Variants in PA2G4 observed in about 807,000 individuals in gnomAD.
PA2G4 encodes proliferation-associated protein 2G4.
In PA2G4, 8 loss-of-function variants were observed where a neutral mutation model predicts 53.3. The observed-to-expected ratio is 0.15, with a 90% CI of 0.09 to 0.27. The LOEUF (loss-of-function observed/expected upper bound fraction) is 0.27. PA2G4 is among the 10% of genes least tolerant of loss of function. PA2G4 has a pLI of 1.00. For synonymous variants in PA2G4, 143 were observed against 169.8 expected (o/e 0.84, Z 1.23); for missense variants, 208 against 486.8 (o/e 0.43, Z 5.39).
Position 56,104,734 on chromosome 12 carries a change from G to A in PA2G4, c.-4G>A. ...AACGAGGCTGCAGTGGTGGTAGTAG[G>A]AAGATGTCGGGCGAGGACGAGCAAC... On this transcript the variant is annotated 5_prime_UTR_variant, in exon 1 of 13. Transcript: ENST00000303305. The A allele has an allele frequency of 2.5e-6, 4 of 1,613,672 alleles. No individual in the cohort carries two copies. The highest frequency in any genetic ancestry group is 1.7e-4 in the Middle Eastern group (1 of 5,850).
chr12:56,106,857 A>G, intron 2 of PA2G4, 133 bp from the exon 3 acceptor site: 2 of 1,281,248 alleles, frequency 1.6e-6, no homozygotes, highest in East Asian at 4.6e-5. Context: ...CAAGTGGGAT[A>G]CAAGCAGTTT....
At position 56,107,524 on chromosome 12, in the gene PA2G4, A is replaced by C. The variant is rs772704689; in HGVS notation, c.397A>C (p.Thr133Pro). ...HTFVVDVAQG[T>P]QVTGRKADVI... ...GATTGCATGTCCTTATCTACAGGGG[A>C]CCCAAGTAACAGGGAGGAAAGCAGA... Residue 133 changes from threonine (T) to proline (P), a missense_variant, in exon 5 of 13, where the codon ACC becomes CCC. Physicochemically the swap from Thr to Pro is conservative, Grantham distance 38 (BLOSUM62 -1). This residue lies in a region of PA2G4 where 143 missense variants were observed against 386.8 expected (regional missense o/e 0.37). Transcript: ENST00000303305. 1 of 1,610,642 alleles carries C rather than the reference A, an allele frequency of 6.2e-7. No individual in the cohort carries two copies. The highest frequency in any genetic ancestry group is 8.5e-7 in the Non-Finnish European group (1 of 1,176,810).
chr12:56,112,178 T>C (rs1217743358), intron 12 of PA2G4, among the ~76,000 whole-genome samples: 1 of 152,170 alleles, frequency 6.6e-6, no homozygotes, highest in Non-Finnish European at 1.5e-5. Flanking sequence ...CATAGCTCAC[T>C]GTATCCTCAA....
chr12:56,112,083 C>CG (rs1320621638), intron 12 of PA2G4, among the ~76,000 whole-genome samples: 3 of 152,126 alleles, frequency 2.0e-5, no homozygotes, highest in Non-Finnish European at 4.4e-5. Flanking sequence ...CATTGCGCTC[C>CG]GGCCTGCGCA....
intron 4 of PA2G4, 89 bp downstream of exon 4, chr12:56,107,345 G>T: frequency 8.7e-7 from 1 of 1,145,258 alleles, no homozygotes; most frequent in Admixed American, 1.7e-5. Context: ...CAATCACCAC[G>T]TAAGTTGAGA....
chr12:56,112,983 C>G lies in PA2G4; in HGVS notation c.*95C>G. The G allele has an allele frequency of 3.8e-6, 3 of 795,182 alleles. No homozygotes were observed. The highest frequency in any genetic ancestry group is 5.8e-6 in the Non-Finnish European group (3 of 515,850). The allele number at this position is 795,182 out of a possible 1,614,324, so 49.3% of individuals were successfully genotyped here. ...AGTGCAGTTCTTCTCCACCTAGGAC[C>G]GCCAGCAGAGCGGGGGGATCTCCCT... On this transcript the variant is annotated 3_prime_UTR_variant, in exon 13 of 13. Coordinates refer to ENST00000303305, the MANE Select transcript of PA2G4 (RefSeq NM_006191.3).
At chr12:56,106,803 T>C in intron 2 of PA2G4, 87 bp downstream of exon 2, 1 of 1,487,578 alleles carries the variant, frequency 6.7e-7, no homozygotes, top group South Asian at 1.3e-5. Context: ...AATGACGCAG[T>C]CCCCACCCCA....
At position 56,110,673 on chromosome 12, in the gene PA2G4, G is replaced by A; in HGVS notation, c.823G>A (p.Ala275Thr). The change falls in exon 9 of 13, where the codon GCC becomes ACC. Residue 275 changes from alanine (A) to threonine (T), a missense_variant. Transcript: ENST00000303305. ...CAGTGAGGTGGAAAGGCGTTTTGATGCCATGCCGTTTACTTTAAGGTACTA... is the reference window on the plus strand; with the variant it reads ...CAGTGAGGTGGAAAGGCGTTTTGATACCATGCCGTTTACTTTAAGGTACTA... Reference protein sequence around the residue: ...FFSEVERRFDAMPFTLRAFED... With the variant: ...FFSEVERRFDTMPFTLRAFED... 1 of 1,614,120 alleles carries A rather than the reference G, an allele frequency of 6.2e-7. No homozygotes were observed.
chr12:56,108,962 C>A (rs1254657964), intron 5 of PA2G4, among the ~76,000 whole-genome samples: 11 of 151,656 alleles, frequency 7.3e-5, no homozygotes, highest in African/African-American at 2.4e-4. Flanking sequence ...CCCGTCTCTT[C>A]TAAAAATACA....
At chr12:56,106,272 A>G in intron 1 of PA2G4, 1 of 216,518 alleles carries the variant, frequency 4.6e-6, no homozygotes, top group Non-Finnish European at 9.1e-6. Flanking sequence ...CTTGTCCCTG[A>G]TGCCTATAAA....
rs1324833720 is a variant in PA2G4, at chr12:56,109,247, A to G, written c.504A>G (p.Glu168=). The G allele has an allele frequency of 1.9e-6, 3 of 1,612,324 alleles. No homozygotes were observed. Among genetic ancestry groups the G allele is most frequent in the Non-Finnish European group, 2.5e-6 (3 of 1,178,992 alleles). Residue 168 remains glutamate (E), a synonymous_variant, in exon 6 of 13, where the codon GAA becomes GAG. Transcript: ENST00000303305. The stretch of plus-strand genomic sequence containing the variant: ...ACTTCTAGAACACACAAGTGACAGA[A>G]GCCTGGAACAAAGTTGCCCACTCAT... The part of the protein sequence containing the change: ...KPGNQNTQVT[E]AWNKVAHSFN...
At chr12:56,110,808 C>T (rs1869404900) in intron 9 of PA2G4, 116 bp downstream of exon 9, 1 of 1,355,138 alleles carries the variant, frequency 7.4e-7, no homozygotes, top group Non-Finnish European at 1.0e-6. Context: ...CACTCCCTCC[C>T]TCTCTCTCCC....
chr12:56,111,385 C>A (rs1348018115), intron 11 of PA2G4, 76 bp downstream of exon 11: 2 of 1,603,578 alleles, frequency 1.2e-6, no homozygotes, highest in Non-Finnish European at 1.7e-6. Flanking sequence ...CCAGCAAAGT[C>A]CTGAAAAGAG....
intron 9 of PA2G4, 113 bp downstream of exon 9, chr12:56,110,805 T>G: frequency 7.4e-7 from 1 of 1,347,946 alleles, no homozygotes; most frequent in East Asian, 2.3e-5. Context: ...GCTCACTCCC[T>G]CCCTCTCTCT....
At chr12:56,106,320 G>T (rs919011509) in intron 1 of PA2G4, 30 of 299,934 alleles carry the variant, frequency 1.0e-4, no homozygotes, top group African/African-American at 5.8e-4. Context: ...GGATACCATG[G>T]CAAGAACCCT....
chr12:56,105,646 G>T (rs1417495451), intron 1 of PA2G4, among the ~76,000 whole-genome samples: 1 of 152,242 alleles, frequency 6.6e-6, no homozygotes, highest in Non-Finnish European at 1.5e-5. Flanking sequence ...TACTGGAAAA[G>T]GGAGGACTGA....
intron 1 of PA2G4, 46 bp downstream of exon 1, chr12:56,104,871 G>A (rs953151580): frequency 6.6e-7 from 1 of 1,515,018 alleles, no homozygotes; most frequent in Non-Finnish European, 9.2e-7. Context: ...GATAGGGAAA[G>A]GTAACAGGCT....
chr12:56,106,630 C>T lies in PA2G4; in HGVS notation c.131C>T (p.Ser44Leu), dbSNP rs1869307758. The T allele has an allele frequency of 1.9e-6, 3 of 1,600,260 alleles. No homozygotes were observed. The highest frequency in any genetic ancestry group is 1.1e-5 in the South Asian group (1 of 87,740). The change falls in exon 2 of 13, where the codon TCG (serine) becomes TTG (leucine). Residue 44 changes from serine to leucine, a missense_variant. Transcript: ENST00000303305. Reference protein sequence around the residue: ...SLVEASSSGVSVLSLCEKGDA... With the variant: ...SLVEASSSGVLVLSLCEKGDA... ...GTGGAAGCATCTAGCTCAGGTGTGT[C>T]GGTACTGAGCCTGTGTGAGAAAGGT... is the stretch of plus-strand genomic sequence containing the variant.
chr12:56,111,929 A>AGTT (rs1869434857), intron 12 of PA2G4, among the ~76,000 whole-genome samples: 3 of 151,686 alleles, frequency 2.0e-5, no homozygotes, highest in Admixed American at 6.6e-5. Context: ...CCTGACCAAC[A>AGTT]CAGAGAGAAA....
Sources: allele counts gnomAD v4.1 joint callset (sites outside exome capture counted in the v4.1 genomes callset), GRCh38; gene constraint gnomAD v4.1.1; regional missense constraint gnomAD v4.1.1; transcripts MANE v1.5; gene names NCBI Gene and HGNC (gene_info 2026-07-23, HGNC 2026-07-21).